Variants in SV2B observed in about 807,000 individuals in gnomAD.
SV2B encodes the protein solute carrier family 22 member B2.
SV2B carries 41 observed loss-of-function variants against 73.9 expected under a neutral mutation model. The observed-to-expected ratio is 0.56, with a 90% CI of 0.43 to 0.72. The LOEUF is 0.72. Among genes scored for constraint, SV2B ranks in the 30% least tolerant of loss-of-function variants. The pLI is 0.00. For missense variants in SV2B, 764 were observed against 857.8 expected, an observed-to-expected ratio of 0.89 and a Z score of 1.37; for synonymous variants, 314 against 314.2, an observed-to-expected ratio of 1.00 and a Z score of 0.01.
chr15:91,114,641 A>T (rs2042128469), intron 1 of SV2B, among the ~76,000 whole-genome samples: 1 of 152,188 alleles, frequency 6.6e-6, no homozygotes, highest in Non-Finnish European at 1.5e-5. Context: ...CTGAGGCCTA[A>T]GAGGGGAGGT....
chr15:91,134,217 C>G (rs746443635), intron 1 of SV2B, among the ~76,000 whole-genome samples: 3 of 151,944 alleles, frequency 2.0e-5, no homozygotes, highest in African/African-American at 7.3e-5. Flanking sequence ...AGGCTAGTCT[C>G]GAACTCCTGA....
Position 91,268,519 on chromosome 15 carries a change from G to T in SV2B, c.1287G>T (p.Val429=), listed in dbSNP as rs3743444. Residue 429 remains valine, a synonymous_variant, in exon 9 of 13, where the codon GTG becomes GTT. Transcript: ENST00000394232. This position sits in a 1 kb window ranked among gnomAD's most constrained non-coding sequence, Gnocchi z 4.4. ...AAGAATACAAGTCTAAAATGAAGGT[G>T]TTTTTTGGTGAGCATGTGTACGGCG... ...QDEEYKSKMK[V]FFGEHVYGAT... The T allele has an allele frequency of 3.1e-6, 5 of 1,613,928 alleles. No individual in the cohort carries two copies. Among genetic ancestry groups the T allele is most frequent in the Admixed American group, 1.7e-5 (1 of 60,006 alleles).
At chr15:91,199,429 C>T (rs1881394795) in intron 1 of SV2B, among the ~76,000 whole-genome samples, 1 of 152,168 alleles carries the variant, frequency 6.6e-6, no homozygotes, top group Non-Finnish European at 1.5e-5. Context: ...TGGCAAACAA[C>T]ACGAGGTCTC....
chr15:91,188,609 C>A (rs2044873984), intron 1 of SV2B, among the ~76,000 whole-genome samples: 1 of 152,036 alleles, frequency 6.6e-6, no homozygotes, highest in African/African-American at 2.4e-5. Context: ...GCCACCACTC[C>A]CGGCCTGAAT....
chr15:91,156,407 A>G (rs573694150), intron 1 of SV2B, among the ~76,000 whole-genome samples: 42 of 152,326 alleles, frequency 2.8e-4, no homozygotes, highest in African/African-American at 1.0e-3. Context: ...AGTGTCGGAG[A>G]GGTGTGACTC....
rs1027847682 is a variant in SV2B at position 91,224,107 on chromosome 15, A to C, written c.-391-1766A>C. On this transcript the variant is annotated intron_variant, in intron 1 of 12. Transcript: ENST00000394232. The surrounding 1 kb of genome is among the most constrained non-coding windows in gnomAD (Gnocchi z 4.9). ...TGGAGTCTGTCCAGGGCTGAAGACC[A>C]GGAGGGCCAGGAAGCAGGTGTGGGG... Among the ~76,000 whole-genome samples, 1 of 152,238 alleles carries C rather than the reference A, an allele frequency of 6.6e-6. No individual in the cohort carries two copies. The highest frequency in any genetic ancestry group is 2.4e-5 in the African/African-American group (1 of 41,476).
intron 1 of SV2B, among the ~76,000 whole-genome samples, chr15:91,133,164 G>A (rs541313593): frequency 1.4e-4 from 22 of 152,292 alleles, no homozygotes; most frequent in Non-Finnish European, 2.9e-4. Context: ...TGACACCGGT[G>A]CATTTGTAGG....
intron 9 of SV2B, among the ~76,000 whole-genome samples, chr15:91,269,010 G>T (rs11854137): frequency 0.022 from 3,394 of 152,134 alleles, 75 homozygotes; most frequent in East Asian, 0.095. Flanking sequence ...GCTTTTCCAT[G>T]CCAGGACAAA....
Position 91,284,833 on chromosome 15 carries a change from GGTA to G in SV2B, c.1708+614_1708+616del, listed in dbSNP as rs2048805679. Among the ~76,000 whole-genome samples the G allele has an allele frequency of 6.6e-6, 1 of 152,302 alleles. No homozygotes were observed. Among genetic ancestry groups the G allele is most frequent in the East Asian group, 1.9e-4 (1 of 5,186 alleles). ...TGGCACATCGTCGGTTCTCAAAAAT[GGTA>G]GCTATATTCATGTATGCCTTGCCTC... On this transcript the variant is annotated intron_variant, in intron 11 of 12. Coordinates refer to ENST00000394232, the MANE Select transcript of SV2B (RefSeq NM_001323032.3). The surrounding 1 kb of genome is among the most constrained non-coding windows in gnomAD (Gnocchi z 4.5).
In SV2B at chr15:91,284,266, T is replaced by C. The variant is rs776289584; in HGVS notation, c.1708+45T>C. On this transcript the variant is annotated intron_variant, in intron 11 of 12. Coordinates refer to ENST00000394232, the MANE Select transcript of SV2B (RefSeq NM_001323032.3). This position sits in a 1 kb window ranked among gnomAD's most constrained non-coding sequence, Gnocchi z 4.5. The stretch of plus-strand genomic sequence containing the variant: ...ATTCCTGGGTTCCAACGCGCTGGGG[T>C]GGTGACTTTCAAGTGTATTAAACAG... 8.1e-6 allele frequency: 13 copies of C among 1,600,882 alleles called. No individual in the cohort carries two copies. The highest frequency in any genetic ancestry group is 4.3e-6 in the Non-Finnish European group (5 of 1,169,322).
At chr15:91,254,429 G>T (rs2047608223) in intron 4 of SV2B, among the ~76,000 whole-genome samples, 1 of 151,868 alleles carries the variant, frequency 6.6e-6, no homozygotes, top group Non-Finnish European at 1.5e-5. Context: ...TAGAGTCGGG[G>T]TTTCACCATG....
chr15:91,228,055 T>C (rs2046441455), intron 2 of SV2B, among the ~76,000 whole-genome samples: 1 of 152,192 alleles, frequency 6.6e-6, no homozygotes, highest in Admixed American at 6.5e-5. Context: ...GGGCTGCAGT[T>C]TGCAATCCCC....
rs566402259 is a variant in SV2B at position 91,239,658 on chromosome 15, T to C, written c.452-12161T>C. ...GATTATTTAAACCAATCAGATAGAG[T>C]CTTTCATTAGTATGGTTTCTTTTTT... is the stretch of plus-strand genomic sequence containing the variant. On this transcript the variant is annotated intron_variant, in intron 2 of 12. Transcript: ENST00000394232. This position sits in a 1 kb window ranked among gnomAD's most constrained non-coding sequence, Gnocchi z 5.1. 1.3e-5 allele frequency among the ~76,000 whole-genome samples: 2 copies of C among 152,156 alleles called. No individual in the cohort carries two copies. The highest frequency in any genetic ancestry group is 3.9e-4 in the East Asian group (2 of 5,170).
At chr15:91,235,027 C>T (rs1376513430) in intron 2 of SV2B, among the ~76,000 whole-genome samples, 1 of 152,140 alleles carries the variant, frequency 6.6e-6, no homozygotes, top group Non-Finnish European at 1.5e-5. Context: ...GTTTTCCCCC[C>T]AGTTCAGGAA....
At chr15:91,173,337 G>A (rs1274863134) in intron 1 of SV2B, among the ~76,000 whole-genome samples, 3 of 152,164 alleles carry the variant, frequency 2.0e-5, no homozygotes, top group Admixed American at 6.5e-5. Flanking sequence ...TGCGTGGTAC[G>A]AGCTGTGTCA....
chr15:91,136,497 G>A lies in SV2B; in HGVS notation c.-392+36134G>A, dbSNP rs2042830262. Among the ~76,000 whole-genome samples the A allele has an allele frequency of 6.6e-6, 1 of 152,198 alleles. No individual in the cohort carries two copies. The highest frequency in any genetic ancestry group is 1.5e-5 in the Non-Finnish European group (1 of 68,040). On this transcript the variant is annotated intron_variant, in intron 1 of 12. Coordinates refer to ENST00000394232, the MANE Select transcript of SV2B (RefSeq NM_001323032.3). The surrounding 1 kb of genome is among the most constrained non-coding windows in gnomAD (Gnocchi z 5.6). ...ATGCGTCTCGGGTGCTTTGTCCCAG[G>A]GAGAGAACTGTGCGGCGGAGTAAGG...
rs547448516 is a variant in SV2B, at chr15:91,240,051, A to C, written c.452-11768A>C. On this transcript the variant is annotated intron_variant, in intron 2 of 12. Coordinates refer to ENST00000394232, the MANE Select transcript of SV2B (RefSeq NM_001323032.3). The surrounding 1 kb of genome is among the most constrained non-coding windows in gnomAD (Gnocchi z 4.6). ...AGGGTTGAGTGTGTCTGAGGAGGCA[A>C]TCTCTCTGAACACGTTTAATACCTG... is the stretch of plus-strand genomic sequence containing the variant. Among the ~76,000 whole-genome samples the C allele has an allele frequency of 6.6e-6, 1 of 152,172 alleles. No individual in the cohort carries two copies. Among genetic ancestry groups the C allele is most frequent in the South Asian group, 2.1e-4 (1 of 4,828 alleles).
chr15:91,150,408 A>C (rs2043279397), intron 1 of SV2B, among the ~76,000 whole-genome samples: 1 of 152,220 alleles, frequency 6.6e-6, no homozygotes, highest in Non-Finnish European at 1.5e-5. Flanking sequence ...GCTGGGCTGA[A>C]CCATATTCTT....
Position 91,267,897 on chromosome 15 carries a change from G to T in SV2B, c.1208+254G>T, listed in dbSNP as rs182726506. On this transcript the variant is annotated intron_variant, in intron 8 of 12. Coordinates refer to ENST00000394232, the MANE Select transcript of SV2B (RefSeq NM_001323032.3). This position sits in a 1 kb window ranked among gnomAD's most constrained non-coding sequence, Gnocchi z 4.3. ...GGCTCACTGCAGCCTGTGCCTCCTG[G>T]GTTCAAGCTATTCTCCTGCCTCAGC... Among the ~76,000 whole-genome samples, 497 of 151,974 alleles carry T rather than the reference G, an allele frequency of 3.3e-3. 2 individuals are homozygous for T. Among genetic ancestry groups the T allele is most frequent in the African/African-American group, 9.7e-3 (401 of 41,396 alleles).
Sources: gnomAD v4.1 joint callset for allele counts (sites outside exome capture counted in the v4.1 genomes callset) on GRCh38, gnomAD v4.1.1 for gene constraint, Gnocchi (gnomAD v3.1) non-coding constraint, MANE v1.5 for transcripts, NCBI Gene and HGNC (gene_info 2026-07-23, HGNC 2026-07-21) for gene names.